PRDM1: variants seen among roughly 807,000 people sequenced by gnomAD.
PRDM1 encodes PR/SET domain 1.
Under a neutral mutation model 62.8 loss-of-function variants are expected in PRDM1, and 13 were observed. The observed-to-expected ratio is 0.21, with a 90% CI of 0.13 to 0.33. PRDM1 has a LOEUF of 0.33. PRDM1 is among the 10% of genes least tolerant of loss of function. PRDM1 has a pLI of 1.00. For missense variants in PRDM1, 895 were observed against 1,058.8 expected (o/e 0.85, Z 2.15); for synonymous variants, 396 against 417.6 (o/e 0.95, Z 0.63).
intron 1 of PRDM1, among the ~76,000 whole-genome samples, chr6:106,033,419 G>T (rs547373728): frequency 1.3e-5 from 2 of 151,092 alleles, no homozygotes; most frequent in African/African-American, 2.4e-5. Flanking sequence ...TCCCAAATGC[G>T]TTGGGATTAT....
Position 106,109,639 on chromosome 6 carries a change from A to G in PRDM1, c.*2153A>G, listed in dbSNP as rs1002844203. ...TTAGACCAAATACTTTTGATTCCCA[A>G]CTACTCGTTTGTTCTTTTTCTCCTT... is the stretch of plus-strand genomic sequence containing the variant. On this transcript the variant is annotated 3_prime_UTR_variant, in exon 7 of 7. Coordinates refer to ENST00000369096, the MANE Select transcript of PRDM1 (RefSeq NM_001198.4). 1.3e-5 allele frequency: 3 copies of G among 233,328 alleles called. No homozygotes were observed. The highest frequency in any genetic ancestry group is 1.1e-4 in the Admixed American group (2 of 17,776). The allele number at this position is 233,328 out of a possible 1,614,324, so 14.5% of individuals were successfully genotyped here.
intron 1 of PRDM1, among the ~76,000 whole-genome samples, chr6:106,027,710 T>C (rs548541917): frequency 6.6e-6 from 1 of 152,338 alleles, no homozygotes; most frequent in Admixed American, 6.5e-5. Flanking sequence ...ATAATGTATA[T>C]TCTTCTATTC....
At chr6:106,050,604 G>T (rs1050973220) in intron 1 of PRDM1, among the ~76,000 whole-genome samples, 4 of 152,158 alleles carry the variant, frequency 2.6e-5, no homozygotes, top group African/African-American at 7.2e-5. Flanking sequence ...GCGCGTGCTA[G>T]GTTCTCTCCC....
At position 106,096,437 on chromosome 6, in the gene PRDM1, C is replaced by T. The variant is rs1010485733; in HGVS notation, c.411+703C>T. The stretch of plus-strand genomic sequence containing the variant: ...CTGGAATTACAGGCAAGAGCCACCG[C>T]GCCCAGCCAGGAATGACAAATGAAT... On this transcript the variant is annotated intron_variant, in intron 3 of 6. Coordinates refer to ENST00000369096, the MANE Select transcript of PRDM1 (RefSeq NM_001198.4). 6.6e-5 allele frequency among the ~76,000 whole-genome samples: 10 copies of T among 152,206 alleles called. No individual in the cohort carries two copies. In the East Asian group the frequency reaches 1.5e-3, roughly 23 times the overall value.
intron 1 of PRDM1, among the ~76,000 whole-genome samples, chr6:106,004,867 T>A (rs1772465580): frequency 6.6e-6 from 1 of 152,174 alleles, no homozygotes; most frequent in Admixed American, 6.6e-5. Flanking sequence ...TGTATCCTTA[T>A]CAGTTTATCA....
chr6:106,098,460 G>A (rs1774173571), intron 3 of PRDM1: 4 of 1,177,936 alleles, frequency 3.4e-6, no homozygotes, highest in Middle Eastern at 3.1e-4. Context: ...TTGCCTTTAA[G>A]GAACAACATA....
At chr6:106,091,546 G>A (rs1229381183) in intron 2 of PRDM1, among the ~76,000 whole-genome samples, 1 of 152,204 alleles carries the variant, frequency 6.6e-6, no homozygotes, top group Non-Finnish European at 1.5e-5. Context: ...TTGGGAGGCT[G>A]AGGACAGCAG....
At chr6:106,037,865 TG>T (rs1772942790) in intron 1 of PRDM1, among the ~76,000 whole-genome samples, 1 of 151,782 alleles carries the variant, frequency 6.6e-6, no homozygotes, top group Non-Finnish European at 1.5e-5. Flanking sequence ...GGACAATTTT[TG>T]TTGGTTTATT....
At chr6:106,038,697 C>T (rs1216547572) in intron 1 of PRDM1, among the ~76,000 whole-genome samples, 1 of 152,274 alleles carries the variant, frequency 6.6e-6, no homozygotes, top group African/African-American at 2.4e-5. Context: ...GTCCCTTTTG[C>T]ACACCCTGGC....
intron 3 of PRDM1, chr6:106,098,156 C>G (rs1774161294): frequency 1.0e-6 from 1 of 982,320 alleles, no homozygotes; most frequent in Non-Finnish European, 1.2e-6. Context: ...GCACAAAATT[C>G]CTGCTACGAA....
chr6:106,029,053 T>TG (rs1430464718), intron 1 of PRDM1, among the ~76,000 whole-genome samples: 10 of 151,872 alleles, frequency 6.6e-5, no homozygotes, highest in Non-Finnish European at 1.3e-4. Context: ...CCCGAGTAGC[T>TG]GGGACTACAG....
intron 2 of PRDM1, among the ~76,000 whole-genome samples, chr6:106,092,837 G>A (rs911216585): frequency 3.3e-5 from 5 of 152,170 alleles, no homozygotes; most frequent in Non-Finnish European, 5.9e-5. Flanking sequence ...ATATTAGAAC[G>A]CTAGACTTAG....
At chr6:106,061,204 C>A (rs1408638961) in intron 1 of PRDM1, among the ~76,000 whole-genome samples, 1 of 124,866 alleles carries the variant, frequency 8.0e-6, no homozygotes, top group Admixed American at 8.3e-5. Flanking sequence ...GGACTGAGTG[C>A]CTTCCAGCAG....
chr6:106,088,496 A>G, intron 2 of PRDM1, 47 bp downstream of exon 2: 1 of 1,611,190 alleles, frequency 6.2e-7, no homozygotes, highest in South Asian at 1.1e-5. Flanking sequence ...CTGGTGCCAA[A>G]TCTCCCTACT....
intron 3 of PRDM1, 138 bp downstream of exon 3, chr6:106,095,872 C>G: frequency 1.1e-6 from 1 of 924,600 alleles, no homozygotes; most frequent in Non-Finnish European, 1.6e-6. Context: ...CCCATGGACA[C>G]AGGGAATTCT....
intron 1 of PRDM1, among the ~76,000 whole-genome samples, chr6:106,056,270 A>T (rs1021704415): frequency 1.3e-5 from 2 of 152,168 alleles, no homozygotes; most frequent in African/African-American, 4.8e-5. Context: ...TGGGAGAAGC[A>T]CGGAGAGTCT....
intron 1 of PRDM1, among the ~76,000 whole-genome samples, chr6:106,011,860 A>C (rs576364849): frequency 6.6e-6 from 1 of 151,956 alleles, no homozygotes. Context: ...AACACAGTAC[A>C]CAAGTACCAC....
chr6:106,070,814 C>T (rs1773500078), intron 1 of PRDM1, among the ~76,000 whole-genome samples: 1 of 152,188 alleles, frequency 6.6e-6, no homozygotes, highest in Non-Finnish European at 1.5e-5. Flanking sequence ...ATTTGACAAA[C>T]ATATTGGGCT....
chr6:106,109,415 A>G lies in PRDM1; in HGVS notation c.*1929A>G, dbSNP rs1582486511. ...TACTAAATACTGATACATTACTCCA[A>G]TCTATTTTATAATTATATTTGACAT... On this transcript the variant is annotated 3_prime_UTR_variant, in exon 7 of 7. Transcript: ENST00000369096. 3 of 233,232 alleles carry G rather than the reference A, an allele frequency of 1.3e-5. No homozygotes were observed. In the East Asian group the frequency reaches 1.8e-4, roughly 14 times the overall value. The allele number at this position is 233,232 out of a possible 1,614,324, so 14.4% of individuals were successfully genotyped here.
Sources: allele counts gnomAD v4.1 joint callset (sites outside exome capture counted in the v4.1 genomes callset), GRCh38; gene constraint gnomAD v4.1.1; transcripts MANE v1.5; gene names NCBI Gene and HGNC (gene_info 2026-07-23, HGNC 2026-07-21).